Variants in SUGCT observed in about 807,000 individuals in gnomAD.
SUGCT encodes succinyl-CoA:glutarate-CoA transferase, also known as succinyl-CoA:glutarate CoA-transferase.
Under a neutral mutation model 55.0 loss-of-function variants are expected in SUGCT, and 41 were observed. That is an observed-to-expected ratio of 0.74 (90% CI 0.58 to 0.97). The LOEUF (loss-of-function observed/expected upper bound fraction) is 0.97. Among genes scored for constraint, SUGCT ranks in the 50% least tolerant of loss-of-function variants. The probability of loss-of-function intolerance (pLI) is 0.00; values close to 1 mark genes in which losing one functional copy is unlikely to be tolerated. For synonymous variants in SUGCT, 187 were observed against 200.4 expected (o/e 0.93, Z 0.56); for missense variants, 568 against 547.8 (o/e 1.04, Z -0.37).
At chr7:40,959,867 G>A in the SUGCT span, among the ~76,000 whole-genome samples, 6 of 152,174 alleles carry the variant, frequency 3.9e-5, no homozygotes, top group African/African-American at 1.4e-4. Context: ...CATAGTATCT[G>A]GGCCAGAGTG....
At chr7:40,884,405 T>A in the SUGCT span, among the ~76,000 whole-genome samples, 1 of 152,216 alleles carries the variant, frequency 6.6e-6, no homozygotes, top group African/African-American at 2.4e-5. Flanking sequence ...TGGTTTTGGA[T>A]CCCTGGAGAG....
chr7:40,184,754 G>C (rs1785401801), intron 3 of SUGCT, among the ~76,000 whole-genome samples: 1 of 152,178 alleles, frequency 6.6e-6, no homozygotes, highest in Non-Finnish European at 1.5e-5. Context: ...GTGCTGAATA[G>C]TGTGTATGTA....
intron 8 of SUGCT, among the ~76,000 whole-genome samples, chr7:40,302,163 A>G (rs1415926035): frequency 6.6e-6 from 1 of 151,590 alleles, no homozygotes; most frequent in Admixed American, 6.6e-5. Flanking sequence ...TAGACTGTAC[A>G]CTCCCATCCT....
intron 7 of SUGCT, among the ~76,000 whole-genome samples, chr7:40,255,024 C>G (rs377362654): frequency 1.3e-5 from 2 of 150,942 alleles, no homozygotes; most frequent in East Asian, 4.0e-4. Context: ...GTCGGGAGTT[C>G]GAGACCAGCC....
Position 40,856,868 on chromosome 7 carries a change from A to G in SUGCT, c.1154-3448A>G, listed in dbSNP as rs75613801. 3.7e-3 allele frequency among the ~76,000 whole-genome samples: 557 copies of G among 152,358 alleles called. 1 individual carries two copies. Among genetic ancestry groups the G allele is most frequent in the African/African-American group, 0.013 (522 of 41,580 alleles). Reference sequence around the variant, plus strand: ...TCCTATCAGCCACCAACCTCTTAAAATCAAACAAAATTCCCACATTATTTG... The same window carrying G: ...TCCTATCAGCCACCAACCTCTTAAAGTCAAACAAAATTCCCACATTATTTG... On this transcript the variant is annotated intron_variant, in intron 13 of 13. Transcript: ENST00000335693.
At chr7:40,748,714 C>T (rs1471843966) in intron 12 of SUGCT, among the ~76,000 whole-genome samples, 1 of 151,924 alleles carries the variant, frequency 6.6e-6, no homozygotes, top group Non-Finnish European at 1.5e-5. Flanking sequence ...GCATGAGAAC[C>T]TAATCAGCCC....
the SUGCT span, among the ~76,000 whole-genome samples, chr7:41,019,345 AG>A: frequency 6.6e-6 from 1 of 152,236 alleles, no homozygotes; most frequent in Non-Finnish European, 1.5e-5. Flanking sequence ...AAATATGTTA[AG>A]ACCTTCAGTT....
chr7:41,011,942 C>CGCCG, the SUGCT span, among the ~76,000 whole-genome samples: 5 of 152,122 alleles, frequency 3.3e-5, no homozygotes. Flanking sequence ...CCCTCAATCA[C>CGCCG]GCCCAGTTCC....
intron 9 of SUGCT, among the ~76,000 whole-genome samples, chr7:40,435,926 C>CTTTCTTTTCTTTTCT (rs545282209): frequency 3.6e-4 from 48 of 134,042 alleles, no homozygotes; most frequent in African/African-American, 4.4e-4. Flanking sequence ...TTGCTGACTG[C>CTTTCTTTTCTTTTCT]TTTCTTTTCT....
At chr7:40,926,137 ATTAAGAAC>A in the SUGCT span, among the ~76,000 whole-genome samples, 8 of 152,218 alleles carry the variant, frequency 5.3e-5, no homozygotes, top group East Asian at 1.4e-3. Context: ...CATTCTGCTA[ATTAAGAAC>A]TTACTACTGA....
intron 1 of SUGCT, among the ~76,000 whole-genome samples, chr7:40,162,112 G>T (rs574133964): frequency 6.6e-6 from 1 of 152,172 alleles, no homozygotes; most frequent in South Asian, 2.1e-4. Context: ...TGGGCAGGAT[G>T]GTCTCGATCT....
chr7:40,299,429 G>A (rs1193496170), intron 8 of SUGCT, among the ~76,000 whole-genome samples: 1 of 152,128 alleles, frequency 6.6e-6, no homozygotes, highest in Non-Finnish European at 1.5e-5. Flanking sequence ...GGTTGCATTT[G>A]CCAATTCTCA....
chr7:40,645,957 T>C (rs10282307), intron 12 of SUGCT, among the ~76,000 whole-genome samples: 6,389 of 152,248 alleles, frequency 0.042, 448 homozygotes, highest in African/African-American at 0.15. Context: ...TTCATCTCCA[T>C]TGGGATACTG....
chr7:40,917,060 A>G, the SUGCT span, among the ~76,000 whole-genome samples: 2 of 152,220 alleles, frequency 1.3e-5, no homozygotes, highest in African/African-American at 4.8e-5. Context: ...CAACACAGCA[A>G]TAAGCTATTA....
chr7:40,415,584 T>G (rs1014538205), intron 9 of SUGCT, among the ~76,000 whole-genome samples: 4 of 152,072 alleles, frequency 2.6e-5, no homozygotes, highest in African/African-American at 9.6e-5. Flanking sequence ...ATAAAAACCT[T>G]GAGTAAAAAG....
At chr7:41,008,013 C>G in the SUGCT span, among the ~76,000 whole-genome samples, 1 of 152,086 alleles carries the variant, frequency 6.6e-6, no homozygotes, top group Admixed American at 6.5e-5. Context: ...AATTGCATAT[C>G]CAATTTAAAG....
chr7:40,328,945 C>T (rs1422590758), intron 9 of SUGCT, among the ~76,000 whole-genome samples: 2 of 152,138 alleles, frequency 1.3e-5, no homozygotes, highest in Admixed American at 6.5e-5. Flanking sequence ...TGAAGGGACA[C>T]GCACATTACC....
the SUGCT span, among the ~76,000 whole-genome samples, chr7:40,987,358 G>A: frequency 6.6e-6 from 1 of 152,184 alleles, no homozygotes; most frequent in African/African-American, 2.4e-5. Context: ...GACACCAGTA[G>A]TTTAAAGCAG....
intron 1 of SUGCT, among the ~76,000 whole-genome samples, chr7:40,171,944 C>T (rs1239550979): frequency 2.6e-5 from 4 of 152,082 alleles, no homozygotes; most frequent in Non-Finnish European, 5.9e-5. Flanking sequence ...ACTGTTTTTT[C>T]TTTAACTACT....
Sources: gnomAD v4.1 joint callset for allele counts (sites outside exome capture counted in the v4.1 genomes callset) on GRCh38, gnomAD v4.1.1 for gene constraint, MANE v1.5 for transcripts, NCBI Gene and HGNC (gene_info 2026-07-23, HGNC 2026-07-21) for gene names.